IL1A: variants seen among roughly 807,000 people sequenced by gnomAD.
IL1A encodes the protein interleukin-1 alpha.
IL1A carries 16 observed loss-of-function variants against 22.2 expected under a neutral mutation model. The observed-to-expected ratio is 0.72, with a 90% confidence interval of 0.49 to 1.09. The LOEUF (loss-of-function observed/expected upper bound fraction) is 1.09. IL1A is among the 50% of genes least tolerant of loss of function. The pLI is 0.00. For synonymous variants in IL1A, 113 were observed against 118.5 expected, an observed-to-expected ratio of 0.95 and a Z score of 0.30; for missense variants, 317 against 321.8, an observed-to-expected ratio of 0.99 and a Z score of 0.11.
At position 112,774,191 on chromosome 2, in the gene IL1A, C is replaced by T. The variant is rs1468527091; in HGVS notation, c.*876G>A. ...ATGGCAAAAGAGTCAAAGATCGGAC[C>T]AATTACTGGCTCAAGGTAATTAATG... is the stretch of plus-strand genomic sequence containing the variant. On this transcript the variant is annotated 3_prime_UTR_variant, in exon 7 of 7. Transcript: ENST00000263339. The T allele has an allele frequency of 6.6e-6, 1 of 152,016 alleles. No individual in the cohort carries two copies. Among genetic ancestry groups the T allele is most frequent in the Non-Finnish European group, 1.5e-5 (1 of 68,006 alleles). The allele number at this position is 152,016 out of a possible 1,614,324, so 9.4% of individuals were successfully genotyped here.
intron 4 of IL1A, among the ~76,000 whole-genome samples, chr2:112,780,578 C>G (rs1174451766): frequency 3.9e-5 from 6 of 152,166 alleles, no homozygotes; most frequent in Admixed American, 3.9e-4. Flanking sequence ...GAGGCTCTCC[C>G]ACTTACAGAT....
Position 112,775,018 on chromosome 2 carries a change from A to G in IL1A, c.*49T>C, listed in dbSNP as rs758234704. On this transcript the variant is annotated 3_prime_UTR_variant, in exon 7 of 7. Coordinates refer to ENST00000263339, the MANE Select transcript of IL1A (RefSeq NM_000575.5). Reference sequence around the variant, plus strand: ...GATTTAGCTTCTTCATGTACATGGTACATATGAACTGTCAACACTGCACAA... The same window carrying G: ...GATTTAGCTTCTTCATGTACATGGTGCATATGAACTGTCAACACTGCACAA... The G allele has an allele frequency of 2.8e-6, 4 of 1,413,192 alleles. No homozygotes were observed. Among genetic ancestry groups the G allele is most frequent in the East Asian group, 4.6e-5 (2 of 43,934 alleles). The allele number at this position is 1,413,192 out of a possible 1,614,324, so 87.5% of individuals were successfully genotyped here.
chr2:112,777,891 G>T, intron 6 of IL1A, 96 bp downstream of exon 6: 1 of 1,279,628 alleles, frequency 7.8e-7, no homozygotes, highest in South Asian at 1.3e-5. Flanking sequence ...AAGGAAAGAG[G>T]ACAGTGTCAC....
At chr2:112,776,367 T>G (rs985965502) in intron 6 of IL1A, among the ~76,000 whole-genome samples, 1 of 152,214 alleles carries the variant, frequency 6.6e-6, no homozygotes, top group Non-Finnish European at 1.5e-5. Context: ...TTCTGATCCT[T>G]GGAGCTGTCC....
chr2:112,778,436 G>C (rs546881644), intron 5 of IL1A, among the ~76,000 whole-genome samples: 1 of 152,282 alleles, frequency 6.6e-6, no homozygotes, highest in African/African-American at 2.4e-5. Context: ...ATAAGACCCT[G>C]TAATTTGTTA....
In IL1A at chr2:112,779,572, G is replaced by C. The variant is rs376957964; in HGVS notation, c.414C>G (p.Asp138Glu). Reference sequence around the variant, plus strand: ...CTCGAATTATACTTTGATTGAGGGCGTCATTCAGGATGAATTCGTATTTGA... The same window carrying C: ...CTCGAATTATACTTTGATTGAGGGCCTCATTCAGGATGAATTCGTATTTGA... ...RIIKYEFILN[D>E]ALNQSIIRAN... Residue 138 changes from aspartate (D) to glutamate (E), a missense_variant, in exon 5 of 7, where the codon GAC becomes GAG. By Grantham distance (45) the Asp-to-Glu change is conservative. Coordinates refer to ENST00000263339, the MANE Select transcript of IL1A (RefSeq NM_000575.5). 9 of 1,611,422 alleles carry C rather than the reference G, an allele frequency of 5.6e-6. No individual in the cohort carries two copies. The highest frequency in any genetic ancestry group is 6.8e-6 in the Non-Finnish European group (8 of 1,177,918).
intron 4 of IL1A, among the ~76,000 whole-genome samples, chr2:112,781,141 A>G (rs1573253887): frequency 6.6e-6 from 1 of 152,188 alleles, no homozygotes. Flanking sequence ...TTTAATCTTT[A>G]TAACAGTCAG....
At chr2:112,779,276 T>C (rs888431993) in intron 5 of IL1A, among the ~76,000 whole-genome samples, 6 of 152,166 alleles carry the variant, frequency 3.9e-5, no homozygotes, top group Admixed American at 6.5e-5. Flanking sequence ...CTCTCAAAGA[T>C]AGGAAACTTC....
rs558230742 is a variant in IL1A at position 112,774,823 on chromosome 2, A to T, written c.*244T>A. Reference sequence around the variant, plus strand: ...ATAGTCAGTAGCTCTGGTCCTCCTAAAATTGTTATGAAGAATAATAATTAA... The same window carrying T: ...ATAGTCAGTAGCTCTGGTCCTCCTATAATTGTTATGAAGAATAATAATTAA... On this transcript the variant is annotated 3_prime_UTR_variant, in exon 7 of 7. Transcript: ENST00000263339. The T allele has an allele frequency of 1.1e-4, 44 of 389,488 alleles. No homozygotes were observed. In the South Asian group the frequency reaches 1.6e-3, roughly 14 times the overall value. 24.1% of individuals were successfully genotyped at this position (389,488 alleles called of 1,614,324 possible).
In IL1A at chr2:112,774,411, A is replaced by G. The variant is rs1681060566; in HGVS notation, c.*656T>C. On this transcript the variant is annotated 3_prime_UTR_variant, in exon 7 of 7. Transcript: ENST00000263339. ...GAAGGGGTTCCCATAAATATAGTATATTATAATTATCTTAAATATATTTAT... is the reference window on the plus strand; with the variant it reads ...GAAGGGGTTCCCATAAATATAGTATGTTATAATTATCTTAAATATATTTAT... 2 of 150,258 alleles carry G rather than the reference A, an allele frequency of 1.3e-5. No individual in the cohort carries two copies. Among genetic ancestry groups the G allele is most frequent in the East Asian group, 1.9e-4 (1 of 5,156 alleles). 9.3% of individuals were successfully genotyped at this position (150,258 alleles called of 1,614,324 possible).
intron 3 of IL1A, among the ~76,000 whole-genome samples, chr2:112,782,211 T>C (rs550834950): frequency 2.6e-5 from 4 of 152,380 alleles, no homozygotes; most frequent in Middle Eastern, 6.8e-3. Flanking sequence ...AAGCCAGTAC[T>C]GAAGACATAC....
chr2:112,783,866 G>T, intron 1 of IL1A, 88 bp from the exon 2 acceptor site: 1 of 1,182,826 alleles, frequency 8.5e-7, no homozygotes, highest in Non-Finnish European at 1.3e-6. Context: ...TGTGCTTCCT[G>T]AAAACTTTGT....
intron 6 of IL1A, 131 bp downstream of exon 6, chr2:112,777,856 G>T: frequency 2.4e-6 from 2 of 833,228 alleles, no homozygotes; most frequent in Non-Finnish European, 3.8e-6. Context: ...TGGGAGTGGG[G>T]TGGGCAGGTG....
chr2:112,780,748 T>C lies in IL1A; in HGVS notation c.319+856A>G, dbSNP rs557864172. Among the ~76,000 whole-genome samples the C allele has an allele frequency of 3.2e-4, 25 of 78,252 alleles. No homozygotes were observed. The East Asian group carries it at 5.4e-3, about 17-fold the overall frequency. The allele number at this position is 78,252 out of a possible 152,430, so 51.3% of individuals were successfully genotyped here. ...GTAGTAGTAGTAGTAATAATAATAATAATCATAGGCCGGGCGCGGTGGCTC... is the reference window on the plus strand; with the variant it reads ...GTAGTAGTAGTAGTAATAATAATAACAATCATAGGCCGGGCGCGGTGGCTC... On this transcript the variant is annotated intron_variant, in intron 4 of 6. Coordinates refer to ENST00000263339, the MANE Select transcript of IL1A (RefSeq NM_000575.5).
At chr2:112,777,098 C>T (rs896657982) in intron 6 of IL1A, among the ~76,000 whole-genome samples, 3 of 129,696 alleles carry the variant, frequency 2.3e-5, no homozygotes, top group Non-Finnish European at 4.9e-5. Flanking sequence ...ATCTTAGCAC[C>T]CTATTCATTT....
chr2:112,783,869 A>T, intron 1 of IL1A, 91 bp from the exon 2 acceptor site: 1 of 1,111,030 alleles, frequency 9.0e-7, no homozygotes, highest in East Asian at 2.3e-5. Flanking sequence ...GCTTCCTGAA[A>T]ACTTTGTTGA....
rs936299117 is a variant in IL1A at position 112,779,491 on chromosome 2, TG to T, written c.490+4del. On this transcript the variant is annotated splice_donor_region_variant and intron_variant, in intron 5 of 6. Transcript: ENST00000263339. ...ACAGAAATGTCTGGTGCCATTTTAA[TG>T]TACCTGCTTCATCCAGATTATGTAA... is the stretch of plus-strand genomic sequence containing the variant. The T allele has an allele frequency of 6.4e-7, 1 of 1,557,550 alleles. No individual in the cohort carries two copies. Among genetic ancestry groups the T allele is most frequent in the African/African-American group, 1.4e-5 (1 of 73,884 alleles).
In IL1A at chr2:112,777,991, A is replaced by G; in HGVS notation, c.611T>C (p.Leu204Pro). Residue 204 changes from leucine to proline, a missense_variant, in exon 6 of 7, where the codon CTG becomes CCG. Transcript: ENST00000263339. ...TGGAGACAAAGGACAACTGACCTTC[A>G]GCAGCACTGGTTGGTCTTCATCTTG... ...TAQDEDQPVL[L>P]KEMPEIPKTI... The G allele has an allele frequency of 1.2e-6, 2 of 1,614,186 alleles. No individual in the cohort carries two copies. The highest frequency in any genetic ancestry group is 1.7e-6 in the Non-Finnish European group (2 of 1,180,022).
At chr2:112,782,977 C>T (rs1573255412) in intron 2 of IL1A, among the ~76,000 whole-genome samples, 1 of 152,184 alleles carries the variant, frequency 6.6e-6, no homozygotes, top group East Asian at 1.9e-4. Flanking sequence ...AGGCTTTGAG[C>T]TTTACCTGTG....
Sources: gnomAD v4.1 joint callset for allele counts (sites outside exome capture counted in the v4.1 genomes callset) on GRCh38, gnomAD v4.1.1 for gene constraint, MANE v1.5 for transcripts, NCBI Gene and HGNC (gene_info 2026-07-23, HGNC 2026-07-21) for gene names.